The following IQCJ variants were observed in gnomAD, a reference collection of about 807,000 sequenced individuals.
IQCJ encodes the protein IQ domain-containing protein J.
Under a neutral mutation model 11.0 loss-of-function variants are expected in IQCJ, and 9 were observed. That is an observed-to-expected ratio of 0.82 (90% confidence interval 0.49 to 1.43). IQCJ has a LOEUF of 1.43. Among genes scored for constraint, IQCJ ranks in the 40% most tolerant of loss-of-function variants. The pLI is 0.00. For synonymous variants in IQCJ, 55 were observed against 51.3 expected (o/e 1.07, Z -0.31); for missense variants, 146 against 133.2 (o/e 1.10, Z -0.47).
intron 1 of IQCJ, among the ~76,000 whole-genome samples, chr3:159,153,347 T>C (rs1721337092): frequency 6.6e-6 from 1 of 152,194 alleles, no homozygotes; most frequent in African/African-American, 2.4e-5. Flanking sequence ...GTTTCCTCTA[T>C]ACAATATTCT....
intron 1 of IQCJ, among the ~76,000 whole-genome samples, chr3:159,238,480 C>T (rs1413942904): frequency 1.3e-5 from 2 of 152,158 alleles, no homozygotes; most frequent in African/African-American, 4.8e-5. Flanking sequence ...CTTAGAATAA[C>T]ACATTTACTT....
intron 1 of IQCJ, among the ~76,000 whole-genome samples, chr3:159,200,384 G>A (rs1724260186): frequency 6.6e-6 from 1 of 152,046 alleles, no homozygotes; most frequent in Non-Finnish European, 1.5e-5. Flanking sequence ...AAGAGGAAGT[G>A]GAATGGCCTG....
chr3:159,086,383 T>A (rs1716773135), intron 1 of IQCJ, among the ~76,000 whole-genome samples: 1 of 152,194 alleles, frequency 6.6e-6, no homozygotes, highest in Non-Finnish European at 1.5e-5. Flanking sequence ...TGGCTTAGGA[T>A]TGACTTGGCG....
chr3:159,094,422 C>CTT lies in IQCJ; in HGVS notation c.9+25006_9+25007dup, dbSNP rs71302258. 2.6e-3 allele frequency among the ~76,000 whole-genome samples: 184 copies of CTT among 71,718 alleles called. 6 individuals are homozygous for CTT. The highest frequency in any genetic ancestry group is 3.3e-3 in the South Asian group (6 of 1,804). 47.0% of individuals were successfully genotyped at this position (71,718 alleles called of 152,430 possible). ...TCTGCAGTTTTTTGTACAGGATCTG[C>CTT]TTTTTTTTTTTTTTTTTTTTTTTTT... On this transcript the variant is annotated intron_variant, in intron 1 of 3. Coordinates refer to ENST00000397832, the MANE Select transcript of IQCJ (RefSeq NM_001042706.3).
At chr3:159,195,808 T>C (rs989638282) in intron 1 of IQCJ, among the ~76,000 whole-genome samples, 5 of 152,196 alleles carry the variant, frequency 3.3e-5, no homozygotes. Context: ...GGAAAATTAG[T>C]CTATTTTTGT....
At chr3:159,090,874 A>G (rs911020691) in intron 1 of IQCJ, among the ~76,000 whole-genome samples, 1 of 151,940 alleles carries the variant, frequency 6.6e-6, no homozygotes, top group East Asian at 1.9e-4. Context: ...TCATGTGGAC[A>G]TAACATAAAA....
At chr3:159,093,852 C>T (rs906684843) in intron 1 of IQCJ, among the ~76,000 whole-genome samples, 1 of 151,774 alleles carries the variant, frequency 6.6e-6, no homozygotes, top group Non-Finnish European at 1.5e-5. Context: ...AGAACTTGCT[C>T]ACTATCACAA....
chr3:159,084,935 A>T (rs1383675852), intron 1 of IQCJ, among the ~76,000 whole-genome samples: 1 of 150,538 alleles, frequency 6.6e-6, no homozygotes, highest in Non-Finnish European at 1.5e-5. Context: ...TTATTATTAT[A>T]CTTTAAGTTT....
chr3:159,204,602 G>T (rs1224274033), intron 1 of IQCJ, among the ~76,000 whole-genome samples: 1 of 152,210 alleles, frequency 6.6e-6, no homozygotes, highest in Non-Finnish European at 1.5e-5. Context: ...CAGCTATATT[G>T]TATTGGTTAA....
chr3:159,126,939 G>A (rs1413080394), intron 1 of IQCJ, among the ~76,000 whole-genome samples: 7 of 152,182 alleles, frequency 4.6e-5, no homozygotes, highest in Admixed American at 4.6e-4. Flanking sequence ...TGACATAGGT[G>A]GGTCAGCCGG....
intron 3 of IQCJ, among the ~76,000 whole-genome samples, chr3:159,260,777 G>A (rs1309147495): frequency 6.6e-6 from 1 of 152,096 alleles, no homozygotes; most frequent in Non-Finnish European, 1.5e-5. Flanking sequence ...CTGCTTTAGT[G>A]AGGCTTGAAG....
chr3:159,087,897 GT>G (rs1272249120), intron 1 of IQCJ, among the ~76,000 whole-genome samples: 2 of 148,166 alleles, frequency 1.3e-5, no homozygotes, highest in Non-Finnish European at 3.0e-5. Flanking sequence ...TTTTTGAAGG[GT>G]TTTTTGTGTC....
intron 1 of IQCJ, among the ~76,000 whole-genome samples, chr3:159,201,511 C>G (rs1259545576): frequency 1.3e-5 from 2 of 149,098 alleles, no homozygotes; most frequent in East Asian, 2.0e-4. Flanking sequence ...TTGTGTATCT[C>G]TGTGTGTGTG....
At chr3:159,261,940 A>G (rs1394420383) in intron 3 of IQCJ, among the ~76,000 whole-genome samples, 2 of 152,130 alleles carry the variant, frequency 1.3e-5, no homozygotes, top group African/African-American at 4.8e-5. Context: ...ATTCCCTTCC[A>G]CAGTATATAA....
chr3:159,164,785 G>A (rs1722071918), intron 1 of IQCJ, among the ~76,000 whole-genome samples: 2 of 152,020 alleles, frequency 1.3e-5, no homozygotes, highest in African/African-American at 2.4e-5. Context: ...CCAAAAAAGA[G>A]GTTCAGCTGC....
chr3:159,169,285 T>C (rs1304099534), intron 1 of IQCJ, among the ~76,000 whole-genome samples: 79 of 142,612 alleles, frequency 5.5e-4, no homozygotes, highest in Middle Eastern at 3.5e-3. Context: ...CTTTCTTTTT[T>C]TTTTTTTTTT....
rs1728308522 is a variant in IQCJ, at chr3:159,263,046, A to G, written c.*315A>G. On this transcript the variant is annotated 3_prime_UTR_variant, in exon 4 of 4. Transcript: ENST00000397832. ...AATATGATAGAAGATAAGATTGGTT[A>G]TAAGGAGTAGAAAGAGAACTTTTAC... The G allele has an allele frequency of 2.0e-6, 2 of 1,021,256 alleles. No homozygotes were observed. Among genetic ancestry groups the G allele is most frequent in the Admixed American group, 5.3e-5 (1 of 18,908 alleles). The allele number at this position is 1,021,256 out of a possible 1,614,324, so 63.3% of individuals were successfully genotyped here.
downstream of IQCJ, chr3:159,265,227 C>A: frequency 6.2e-7 from 1 of 1,613,088 alleles, no homozygotes. Context: ...TGCCAGGGCC[C>A]CTGTTGGGAA....
intron 3 of IQCJ, among the ~76,000 whole-genome samples, chr3:159,258,521 A>G (rs1728026448): frequency 1.3e-5 from 2 of 152,116 alleles, no homozygotes; most frequent in Admixed American, 1.3e-4. Flanking sequence ...TGCCTCCCTC[A>G]CAGTTCACTT....
Sources: allele counts gnomAD v4.1 joint callset (sites outside exome capture counted in the v4.1 genomes callset), GRCh38; gene constraint gnomAD v4.1.1; transcripts MANE v1.5; gene names NCBI Gene and HGNC (gene_info 2026-07-23, HGNC 2026-07-21).